The following TAMM41 variants were observed in gnomAD, a reference collection of about 807,000 sequenced individuals.
TAMM41 encodes phosphatidate cytidylyltransferase, mitochondrial.
In TAMM41, 36 loss-of-function variants were observed where a neutral mutation model predicts 44.1. The ratio of observed to expected loss-of-function variants is 0.82; its 90% CI spans 0.63 to 1.08. The LOEUF is 1.08. Among genes scored for constraint, TAMM41 ranks in the 50% least tolerant of loss-of-function variants. The pLI is 0.00. For missense variants in TAMM41, 417 were observed against 404.3 expected (o/e 1.03, Z -0.27); for synonymous variants, 164 against 153.1 (o/e 1.07, Z -0.53).
the TAMM41 span, among the ~76,000 whole-genome samples, chr3:11,764,442 G>A: frequency 5.3e-5 from 8 of 150,288 alleles, no homozygotes; most frequent in African/African-American, 1.7e-4. Flanking sequence ...ACAACCTGAA[G>A]GCCCAGGGTA....
the TAMM41 span, among the ~76,000 whole-genome samples, chr3:11,744,329 A>C: frequency 2.6e-5 from 4 of 152,030 alleles, no homozygotes; most frequent in African/African-American, 9.6e-5. Flanking sequence ...CGGCCTCCCA[A>C]AGAGCTAGGA....
At chr3:11,828,839 G>A (rs899632306) in intron 4 of TAMM41, among the ~76,000 whole-genome samples, 11 of 152,208 alleles carry the variant, frequency 7.2e-5, no homozygotes, top group Admixed American at 5.2e-4. Context: ...GTCTGTACTG[G>A]GATTTGGAGG....
chr3:11,797,078 A>C (rs1001891004), intron 7 of TAMM41, among the ~76,000 whole-genome samples: 1 of 152,250 alleles, frequency 6.6e-6, no homozygotes, highest in Middle Eastern at 3.2e-3. Context: ...TGCCTAAAGC[A>C]ATTTATATAT....
At chr3:11,806,800 CTG>C (rs1400327162) in intron 7 of TAMM41, among the ~76,000 whole-genome samples, 6 of 152,154 alleles carry the variant, frequency 3.9e-5, no homozygotes, top group Non-Finnish European at 8.8e-5. Context: ...AAGCACATCA[CTG>C]AGAGAATTCA....
At position 11,807,375 on chromosome 3, in the gene TAMM41, C is replaced by A. The variant is rs1035072983; in HGVS notation, c.937+458G>T. On this transcript the variant is annotated intron_variant, in intron 7 of 7. Transcript: ENST00000455809. ...CATAGAGAGAAGTCAATAGATGATA[C>A]CTAAAGTTGAAACGTAGAGAAGGAG... The A allele has an allele frequency of 6.7e-6, 10 of 1,502,456 alleles. No homozygotes were observed. In the Admixed American group the frequency reaches 8.6e-5, roughly 13 times the overall value. The allele number at this position is 1,502,456 out of a possible 1,614,324, so 93.1% of individuals were successfully genotyped here. A position where few individuals can be genotyped will look rare whatever the true frequency, so the allele number is the denominator to read the frequency against.
At position 11,813,532 on chromosome 3, in the gene TAMM41, AAAAAC is replaced by A. The variant is rs1375376888; in HGVS notation, c.708+3655_708+3659del. 2.6e-5 allele frequency among the ~76,000 whole-genome samples: 4 copies of A among 152,286 alleles called. No homozygotes were observed. In the East Asian group the frequency reaches 5.8e-4, roughly 22 times the overall value. On this transcript the variant is annotated intron_variant, in intron 5 of 7. Coordinates refer to ENST00000455809, the MANE Select transcript of TAMM41 (RefSeq NM_001284401.2). ...GCAACAAAGAAAGACTCCATCTCAAAAAAACAAAACAAAACAAAATAGCTAGGTCT... is the reference window on the plus strand; with the variant it reads ...GCAACAAAGAAAGACTCCATCTCAAAAAAACAAAACAAAATAGCTAGGTCT...
At chr3:11,749,421 C>T in the TAMM41 span, among the ~76,000 whole-genome samples, 4 of 152,282 alleles carry the variant, frequency 2.6e-5, no homozygotes, top group African/African-American at 7.2e-5. Flanking sequence ...AGCCTGTTTC[C>T]TGTGCTTTAC....
chr3:11,800,067 C>T (rs1319483130), intron 7 of TAMM41, among the ~76,000 whole-genome samples: 1 of 152,158 alleles, frequency 6.6e-6, no homozygotes, highest in African/African-American at 2.4e-5. Flanking sequence ...ACTAGACCAG[C>T]CCTATAGGAA....
the TAMM41 span, among the ~76,000 whole-genome samples, chr3:11,725,413 T>G: frequency 9.2e-6 from 1 of 109,142 alleles, no homozygotes; most frequent in Non-Finnish European, 2.0e-5. Context: ...CTCTTCTTCT[T>G]CTTCTTCTTC....
chr3:11,750,125 T>C, the TAMM41 span, among the ~76,000 whole-genome samples: 1 of 152,130 alleles, frequency 6.6e-6, no homozygotes, highest in African/African-American at 2.4e-5. Context: ...CTCGATCTCC[T>C]GACCTCGTGA....
the TAMM41 span, among the ~76,000 whole-genome samples, chr3:11,742,802 T>G: frequency 8.6e-5 from 12 of 139,982 alleles, 1 homozygote; most frequent in African/African-American, 2.9e-4. Context: ...CGCCATGTTG[T>G]CCAGGCTGGT....
chr3:11,758,161 C>T, the TAMM41 span, among the ~76,000 whole-genome samples: 3 of 152,250 alleles, frequency 2.0e-5, no homozygotes, highest in South Asian at 4.1e-4. Context: ...GGAATGGAGA[C>T]GATCCCAGTT....
At chr3:11,790,019 A>C (rs1421332554), downstream of TAMM41, among the ~76,000 whole-genome samples, 2 of 152,124 alleles carry the variant, frequency 1.3e-5, no homozygotes, top group African/African-American at 4.8e-5. Context: ...ACTGCCATAC[A>C]CTTTAGTGGA....
chr3:11,822,433 C>T (rs1277830377), intron 4 of TAMM41, among the ~76,000 whole-genome samples: 2 of 152,162 alleles, frequency 1.3e-5, no homozygotes, highest in Non-Finnish European at 2.9e-5. Context: ...CTACAAGAAA[C>T]CCCATACTCC....
chr3:11,817,238 T>C lies in TAMM41; in HGVS notation c.662A>G (p.Gln221Arg). The change falls in exon 5 of 8, where the codon CAG becomes CGG. Residue 221 changes from glutamine (Q) to arginine (R), a missense_variant. Transcript: ENST00000455809. ...HFRELYGSILQENPQVVYKSQ... is the reference protein window; with the variant it reads ...HFRELYGSILRENPQVVYKSQ... ...TTTATACACCACTTGAGGATTTTCC[T>C]GTAGTATGCTGCCATAGAGCTCTCG... 6.2e-7 allele frequency: 1 copy of C among 1,613,202 alleles called. No individual in the cohort carries two copies. Among genetic ancestry groups the C allele is most frequent in the East Asian group, 2.2e-5 (1 of 44,878 alleles).
At chr3:11,837,577 A>G (rs1360478782) in intron 3 of TAMM41, among the ~76,000 whole-genome samples, 1 of 152,112 alleles carries the variant, frequency 6.6e-6, no homozygotes, top group Admixed American at 6.5e-5. Context: ...AGCTAAGACA[A>G]TAGAGAAAGC....
At chr3:11,807,923 C>T (rs1172031779) in intron 6 of TAMM41, 28 bp from the exon 7 acceptor site, 6 of 1,489,722 alleles carry the variant, frequency 4.0e-6, no homozygotes, top group Non-Finnish European at 2.7e-6. Context: ...AAAAGGAGAC[C>T]AAAAAAACCC....
At chr3:11,758,930 C>T in the TAMM41 span, among the ~76,000 whole-genome samples, 18 of 152,320 alleles carry the variant, frequency 1.2e-4, no homozygotes, top group Admixed American at 3.3e-4. Flanking sequence ...CCTTGGCCTC[C>T]CAAAGTGCTG....
the TAMM41 span, among the ~76,000 whole-genome samples, chr3:11,725,390 CTTT>C: frequency 7.2e-6 from 1 of 139,768 alleles, no homozygotes; most frequent in South Asian, 2.4e-4. Context: ...CCTCCTCCTT[CTTT>C]TTCTTCTTCC....
Sources: allele counts gnomAD v4.1 joint callset (sites outside exome capture counted in the v4.1 genomes callset), GRCh38; gene constraint gnomAD v4.1.1; transcripts MANE v1.5; gene names NCBI Gene and HGNC (gene_info 2026-07-23, HGNC 2026-07-21).